Variants in KIF21A observed in about 807,000 individuals in gnomAD.
KIF21A encodes the protein kinesin family member 21A.
In KIF21A, 114 loss-of-function variants were observed where a neutral mutation model predicts 202.9. The ratio of observed to expected loss-of-function variants is 0.56; its 90% CI spans 0.48 to 0.66. The LOEUF is 0.66. KIF21A is among the 30% of genes least tolerant of loss of function. KIF21A has a pLI of 0.00. For missense variants in KIF21A, 1,677 were observed against 1,994.9 expected, an observed-to-expected ratio of 0.84 and a Z score of 3.04; for synonymous variants, 667 against 670.8, an observed-to-expected ratio of 0.99 and a Z score of 0.09.
chr12:39,295,588 A>G (rs1737379312), intron 37 of KIF21A, among the ~76,000 whole-genome samples: 1 of 150,412 alleles, frequency 6.6e-6, no homozygotes, highest in Non-Finnish European at 1.5e-5. Context: ...GCAATGGAAT[A>G]TTTTCATTTA....
chr12:39,362,353 T>C (rs1949300709), intron 7 of KIF21A, among the ~76,000 whole-genome samples: 1 of 152,206 alleles, frequency 6.6e-6, no homozygotes, highest in South Asian at 2.1e-4. Context: ...TTTCAGTAAA[T>C]ATGATGTTAC....
At chr12:39,308,385 C>T (rs1212662406) in intron 33 of KIF21A, among the ~76,000 whole-genome samples, 5 of 148,690 alleles carry the variant, frequency 3.4e-5, no homozygotes, top group African/African-American at 1.2e-4. Context: ...AAGACTCCGT[C>T]TCAAAAAAAA....
At chr12:39,302,890 C>T in intron 36 of KIF21A, 75 bp downstream of exon 36, 1 of 1,201,114 alleles carries the variant, frequency 8.3e-7, no homozygotes, top group Non-Finnish European at 1.2e-6. Flanking sequence ...TACATAGAAG[C>T]TCTTCAAGTT....
chr12:39,384,489 T>A (rs755373196), intron 1 of KIF21A, among the ~76,000 whole-genome samples: 1 of 152,174 alleles, frequency 6.6e-6, no homozygotes, highest in Non-Finnish European at 1.5e-5. Flanking sequence ...GGATCATGTC[T>A]CCCACTCCCC....
intron 7 of KIF21A, 43 bp from the exon 8 acceptor site, chr12:39,358,416 C>T (rs1456570015): frequency 6.7e-7 from 1 of 1,490,610 alleles, no homozygotes. Flanking sequence ...ATAAAAGCAC[C>T]TAAAATGCTA....
chr12:39,366,914 T>C (rs552237669), intron 5 of KIF21A, 116 bp downstream of exon 5: 12 of 1,022,356 alleles, frequency 1.2e-5, no homozygotes, highest in Non-Finnish European at 1.8e-5. Context: ...GAAAAGGAAA[T>C]TAGAAAAAGG....
At chr12:39,425,222 T>C (rs995872471) in intron 1 of KIF21A, among the ~76,000 whole-genome samples, 1 of 152,174 alleles carries the variant, frequency 6.6e-6, no homozygotes, top group Admixed American at 6.5e-5. Flanking sequence ...ATAGTATATA[T>C]CAATATCTGG....
intron 28 of KIF21A, 44 bp from the exon 29 acceptor site, chr12:39,318,245 A>G: frequency 6.3e-7 from 1 of 1,591,660 alleles, no homozygotes. Flanking sequence ...TTAATTGGTT[A>G]TGATTTGTTA....
chr12:39,337,062 T>C (rs1241304864), intron 17 of KIF21A, 34 bp downstream of exon 17: 1 of 1,402,076 alleles, frequency 7.1e-7, no homozygotes, highest in South Asian at 1.2e-5. Flanking sequence ...AACGTACAAT[T>C]TTCTTATATA....
At chr12:39,414,513 G>A (rs1440592472) in intron 1 of KIF21A, among the ~76,000 whole-genome samples, 2 of 152,272 alleles carry the variant, frequency 1.3e-5, no homozygotes, top group African/African-American at 4.8e-5. Flanking sequence ...CCAGTTAAAC[G>A]TAAGACCTAA....
In KIF21A at chr12:39,325,841, T is replaced by C; in HGVS notation, c.3454A>G (p.Lys1152Glu). Reference protein sequence around the residue: ...KLCGEVKPKNKARRRTTTQME... With the variant: ...KLCGEVKPKNEARRRTTTQME... ...CTGATACTTTTAGTTCTCCTTACCT[T>C]GTTCTTAGGTTTCACTTCACCACAA... Residue 1152 changes from lysine to glutamate, a missense_variant and splice_region_variant, in exon 26 of 38, where the codon AAG (lysine) becomes GAG (glutamate). Lys to Glu is a moderately conservative substitution (Grantham distance 56, BLOSUM62 1). Transcript: ENST00000361418. 1 of 1,607,738 alleles carries C rather than the reference T, an allele frequency of 6.2e-7. No homozygotes were observed. Among genetic ancestry groups the C allele is most frequent in the East Asian group, 2.2e-5 (1 of 44,760 alleles).
Position 39,442,141 on chromosome 12 carries a change from A to T in KIF21A, c.44+786T>A, listed in dbSNP as rs1407716677. 1.3e-5 allele frequency among the ~76,000 whole-genome samples: 2 copies of T among 152,154 alleles called. No homozygotes were observed. Among genetic ancestry groups the T allele is most frequent in the South Asian group, 4.2e-4 (2 of 4,810 alleles). The stretch of plus-strand genomic sequence containing the variant: ...ACTAGGATGTACCTAGTATTTCCAG[A>T]CTCACACCCTGGCCTGGGTAACGTT... On this transcript the variant is annotated intron_variant, in intron 1 of 37. Coordinates refer to ENST00000361418, the MANE Select transcript of KIF21A (RefSeq NM_001173464.2). The surrounding 1 kb of genome is among the most constrained non-coding windows in gnomAD (Gnocchi z 5.0).
chr12:39,360,451 A>T (rs79839484), intron 7 of KIF21A, among the ~76,000 whole-genome samples: 12,327 of 150,664 alleles, frequency 0.082, 633 homozygotes, highest in South Asian at 0.28. Flanking sequence ...GTGCAGTGGC[A>T]CAATCTCAGC....
rs866609522 is a variant in KIF21A at position 39,356,167 on chromosome 12, C to A, written c.1469+665G>T. On this transcript the variant is annotated intron_variant, in intron 10 of 37. Transcript: ENST00000361418. ...TTAATCTTCTTTCCCAACCCTATTC[C>A]CCAAGTCTAGTCCCCTCCACATTCC... Among the ~76,000 whole-genome samples the A allele has an allele frequency of 4.6e-5, 7 of 152,172 alleles. No individual in the cohort carries two copies. In the South Asian group the frequency reaches 1.5e-3, roughly 32 times the overall value.
Position 39,333,244 on chromosome 12 carries a change from G to T in KIF21A, c.2455C>A (p.Gln819Lys), listed in dbSNP as rs1416156635. Residue 819 changes from glutamine to lysine, a missense_variant, in exon 18 of 38, where the codon CAA (glutamine) becomes AAA (lysine). Physicochemically the swap from Gln to Lys is moderately conservative, Grantham distance 53. This residue lies in a region of KIF21A where 966 missense variants were observed against 1,180.9 expected (regional missense o/e 0.82). Coordinates refer to ENST00000361418, the MANE Select transcript of KIF21A (RefSeq NM_001173464.2). ...LRLLEAQKRN[Q>K]EVVLRRKTEE... is the part of the protein sequence containing the mutation. ...GTTTTGCGACGTAGAACCACTTCTT[G>T]GTTTCTTTTTTGGGCTTCCAGAAGT... The T allele has an allele frequency of 6.2e-7, 1 of 1,613,382 alleles. No individual in the cohort carries two copies. Among genetic ancestry groups the T allele is most frequent in the African/African-American group, 1.3e-5 (1 of 74,860 alleles).
chr12:39,355,530 G>C (rs758379194), intron 10 of KIF21A, among the ~76,000 whole-genome samples: 11 of 151,698 alleles, frequency 7.3e-5, no homozygotes, highest in South Asian at 2.1e-4. Flanking sequence ...GTCTCAAGGA[G>C]TGGTAAAGAT....
chr12:39,355,707 TTATA>T lies in KIF21A; in HGVS notation c.1469+1121_1469+1124del, dbSNP rs10580436. On this transcript the variant is annotated intron_variant, in intron 10 of 37. Coordinates refer to ENST00000361418, the MANE Select transcript of KIF21A (RefSeq NM_001173464.2). ...TACCAAAAACATGAAGCATGAACAA[TTATA>T]TATATATATATATATATATATATGT... 7.4e-4 allele frequency among the ~76,000 whole-genome samples: 75 copies of T among 101,168 alleles called. 2 individuals are homozygous for T. The highest frequency in any genetic ancestry group is 9.7e-3 in the Middle Eastern group (2 of 206). 66.4% of individuals were successfully genotyped at this position (101,168 alleles called of 152,430 possible). A position where few individuals can be genotyped will look rare whatever the true frequency, so the allele number is the denominator to read the frequency against.
At chr12:39,311,104 T>C (rs968824396) in intron 32 of KIF21A, among the ~76,000 whole-genome samples, 6 of 152,018 alleles carry the variant, frequency 3.9e-5, no homozygotes, top group African/African-American at 1.4e-4. Context: ...CTTTCCCATA[T>C]TGTATATTTA....
Position 39,330,998 on chromosome 12 carries a change from A to G in KIF21A, c.3154-87T>C, listed in dbSNP as rs577146030. On this transcript the variant is annotated intron_variant, in intron 22 of 37. Transcript: ENST00000361418. ...GTATCAAACAGCAAATGAATATGATATATGGGTTTTGACATCAGATAGACC... is the reference window on the plus strand; with the variant it reads ...GTATCAAACAGCAAATGAATATGATGTATGGGTTTTGACATCAGATAGACC... 1.0e-5 allele frequency: 14 copies of G among 1,405,194 alleles called. No homozygotes were observed. In the South Asian group the frequency reaches 1.5e-4, roughly 15 times the overall value. 87.0% of individuals were successfully genotyped at this position (1,405,194 alleles called of 1,614,324 possible).
Sources: allele counts gnomAD v4.1 joint callset (sites outside exome capture counted in the v4.1 genomes callset), GRCh38; gene constraint gnomAD v4.1.1; regional missense constraint gnomAD v4.1.1; non-coding constraint Gnocchi (gnomAD v3.1); transcripts MANE v1.5; gene names NCBI Gene and HGNC (gene_info 2026-07-23, HGNC 2026-07-21).